The following AOPEP variants were observed in gnomAD, a reference collection of about 807,000 sequenced individuals.
AOPEP encodes aminopeptidase O (putative).
AOPEP carries 77 observed loss-of-function variants against 98.1 expected under a neutral mutation model. That is an observed-to-expected ratio of 0.78 (90% CI 0.65 to 0.95). The LOEUF (loss-of-function observed/expected upper bound fraction) is 0.95. Ranked by LOEUF, AOPEP falls within the 40% of genes least tolerant of loss-of-function variation. AOPEP has a pLI of 0.00. For missense variants in AOPEP, 1,024 were observed against 1,024.7 expected, an observed-to-expected ratio of 1.00 and a Z score of 0.01; for synonymous variants, 346 against 365.3, an observed-to-expected ratio of 0.95 and a Z score of 0.60.
chr9:95,102,873 C>G, the AOPEP span, among the ~76,000 whole-genome samples: 1 of 152,190 alleles, frequency 6.6e-6, no homozygotes, highest in African/African-American at 2.4e-5. Flanking sequence ...TCTCCTCGGC[C>G]CCCCCTGGCA....
chr9:94,930,495 T>C lies in AOPEP; in HGVS notation c.1661+1964T>C, dbSNP rs564881940. Among the ~76,000 whole-genome samples the C allele has an allele frequency of 1.3e-5, 2 of 152,206 alleles. No homozygotes were observed. Among genetic ancestry groups the C allele is most frequent in the East Asian group, 3.9e-4 (2 of 5,174 alleles). On this transcript the variant is annotated intron_variant, in intron 7 of 16. Transcript: ENST00000375315. The surrounding 1 kb of genome is among the most constrained non-coding windows in gnomAD (Gnocchi z 4.5). The stretch of plus-strand genomic sequence containing the variant: ...TGGAGAGACTGGAACATTCAGCCTA[T>C]AAAACCCTTTAAATCTTGAACACAG...
intron 5 of AOPEP, among the ~76,000 whole-genome samples, chr9:94,830,900 T>C (rs1393518538): frequency 2.0e-5 from 3 of 152,210 alleles, no homozygotes; most frequent in African/African-American, 7.2e-5. Context: ...ATGGGGTTGT[T>C]TATTTTTTTC....
intron 10 of AOPEP, among the ~76,000 whole-genome samples, chr9:94,975,858 G>C (rs2059809258): frequency 6.6e-6 from 1 of 152,244 alleles, no homozygotes; most frequent in African/African-American, 2.4e-5. Context: ...AGGACCCGCT[G>C]TTTTCTTTCT....
At chr9:94,769,381 ATGTTGGGAAGGG>A (rs1840351511) in intron 2 of AOPEP, among the ~76,000 whole-genome samples, 1 of 152,200 alleles carries the variant, frequency 6.6e-6, no homozygotes, top group South Asian at 2.1e-4. Flanking sequence ...TGGTTTGGGC[ATGTTGGGAAGGG>A]AAGAGTGAGC....
At chr9:95,039,201 T>C (rs2065082859) in intron 13 of AOPEP, among the ~76,000 whole-genome samples, 1 of 152,080 alleles carries the variant, frequency 6.6e-6, no homozygotes, top group South Asian at 2.1e-4. Context: ...GATGGAGCAA[T>C]TGAGAATGGT....
chr9:94,920,179 AGGGCGTGGT>A (rs2053416226), intron 5 of AOPEP: 1 of 152,160 alleles, frequency 6.6e-6, no homozygotes. Flanking sequence ...CAAAATTAGC[AGGGCGTGGT>A]GGCGCATGCC....
rs773445752 is a variant in AOPEP, at chr9:94,760,063, A to G, written c.280A>G (p.Met94Val). The change falls in exon 2 of 17, where the codon ATG becomes GTG. Residue 94 changes from methionine (M) to valine (V), a missense_variant. This residue lies in a region of AOPEP where 440 missense variants were observed against 433.8 expected (regional missense o/e 1.01). Transcript: ENST00000375315. ...AAATGCAAGGACCTTCTCATCTGAA[A>G]TGGAATATAATGATTTTGCAATCTG... ...VTNARTFSSE[M>V]EYNDFAICSK... 6.2e-7 allele frequency: 1 copy of G among 1,614,212 alleles called. No individual in the cohort carries two copies. The highest frequency in any genetic ancestry group is 8.5e-7 in the Non-Finnish European group (1 of 1,180,046).
At chr9:95,120,837 T>C in the AOPEP span, among the ~76,000 whole-genome samples, 162 of 152,338 alleles carry the variant, frequency 1.1e-3, no homozygotes, top group African/African-American at 3.8e-3. Context: ...TGGGTTTAGG[T>C]CTATCTTTTG....
In AOPEP at chr9:94,980,796, C is replaced by T. The variant is rs559952980; in HGVS notation, c.1977+1369C>T. 9.2e-5 allele frequency among the ~76,000 whole-genome samples: 14 copies of T among 152,328 alleles called. No homozygotes were observed. Among genetic ancestry groups the T allele is most frequent in the African/African-American group, 2.6e-4 (11 of 41,588 alleles). On this transcript the variant is annotated intron_variant, in intron 11 of 16. Coordinates refer to ENST00000375315, the MANE Select transcript of AOPEP (RefSeq NM_001193329.3). This position sits in a 1 kb window ranked among gnomAD's most constrained non-coding sequence, Gnocchi z 4.3. ...CAATGAGGGCCCGTGAGCTCTGAGACGGTGACTTCCAAACCAGACTACTCA... is the reference window on the plus strand; with the variant it reads ...CAATGAGGGCCCGTGAGCTCTGAGATGGTGACTTCCAAACCAGACTACTCA...
intron 7 of AOPEP, among the ~76,000 whole-genome samples, chr9:94,953,500 A>C (rs1012512406): frequency 1.3e-5 from 2 of 152,066 alleles, no homozygotes; most frequent in African/African-American, 4.8e-5. Context: ...TTATTAGGTA[A>C]TTTCTGTATC....
chr9:94,874,358 A>G (rs1351846990), intron 5 of AOPEP, among the ~76,000 whole-genome samples: 1 of 152,146 alleles, frequency 6.6e-6, no homozygotes, highest in African/African-American at 2.4e-5. Context: ...AACAGCATCT[A>G]AAAGAACATT....
At chr9:94,730,794 C>G (rs1463814168) in intron 1 of AOPEP, among the ~76,000 whole-genome samples, 1 of 152,160 alleles carries the variant, frequency 6.6e-6, no homozygotes, top group Non-Finnish European at 1.5e-5. Flanking sequence ...GTGTAGTCAT[C>G]ATCACAGTGG....
chr9:94,829,564 G>T (rs943759116), intron 5 of AOPEP, among the ~76,000 whole-genome samples: 2 of 152,164 alleles, frequency 1.3e-5, no homozygotes, highest in African/African-American at 2.4e-5. Context: ...ATGATGCCAG[G>T]GTACGGGGCA....
At chr9:94,918,502 G>A (rs1488764617) in intron 5 of AOPEP, among the ~76,000 whole-genome samples, 2 of 152,160 alleles carry the variant, frequency 1.3e-5, no homozygotes, top group Non-Finnish European at 2.9e-5. Flanking sequence ...GAGCCCAGAA[G>A]CCACAGGTCT....
chr9:94,952,290 A>G (rs1306197766), intron 7 of AOPEP, among the ~76,000 whole-genome samples: 1 of 152,240 alleles, frequency 6.6e-6, no homozygotes, highest in African/African-American at 2.4e-5. Flanking sequence ...GAAACATAAC[A>G]TAGATACATT....
the AOPEP span, chr9:95,113,718 G>C: frequency 2.6e-5 from 4 of 151,948 alleles, no homozygotes; most frequent in Non-Finnish European, 5.9e-5. Flanking sequence ...CACCTCCTGG[G>C]TTCATGCCAT....
chr9:95,000,445 C>T (rs973935474), intron 11 of AOPEP, among the ~76,000 whole-genome samples: 2 of 152,144 alleles, frequency 1.3e-5, no homozygotes, highest in Non-Finnish European at 2.9e-5. Flanking sequence ...CGGTGGCTCA[C>T]GTCTGTAATC....
At chr9:94,729,576 TA>T (rs57495134) in intron 1 of AOPEP, among the ~76,000 whole-genome samples, 262 of 140,650 alleles carry the variant, frequency 1.9e-3, no homozygotes, top group Middle Eastern at 3.5e-3. Context: ...ACACTGTCTT[TA>T]AAAAAAAAAA....
chr9:94,929,293 T>C (rs978907169), intron 7 of AOPEP, among the ~76,000 whole-genome samples: 6 of 152,342 alleles, frequency 3.9e-5, no homozygotes, highest in Non-Finnish European at 7.3e-5. Context: ...CGCCTGTTCT[T>C]AGATGGCCGC....
Sources: gnomAD v4.1 joint callset for allele counts (sites outside exome capture counted in the v4.1 genomes callset) on GRCh38, gnomAD v4.1.1 for gene constraint, gnomAD v4.1.1 regional missense constraint, Gnocchi (gnomAD v3.1) non-coding constraint, MANE v1.5 for transcripts, NCBI Gene and HGNC (gene_info 2026-07-23, HGNC 2026-07-21) for gene names.